The following TAFA1 variants were observed in gnomAD, a reference collection of about 807,000 sequenced individuals.
TAFA1 encodes TAFA chemokine like family member 1.
Under a neutral mutation model 18.5 loss-of-function variants are expected in TAFA1, and 4 were observed. That is an observed-to-expected ratio of 0.22 (90% CI 0.11 to 0.49). The LOEUF (loss-of-function observed/expected upper bound fraction) is 0.49, where lower values mean the gene tolerates loss of function less well. Ranked by LOEUF, TAFA1 falls within the 20% of genes least tolerant of loss-of-function variation. The pLI is 0.98. For missense variants in TAFA1, 147 were observed against 169.0 expected, an observed-to-expected ratio of 0.87 and a Z score of 0.72; for synonymous variants, 56 against 55.2, an observed-to-expected ratio of 1.01 and a Z score of -0.06.
intron 3 of TAFA1, among the ~76,000 whole-genome samples, chr3:68,436,002 A>T (rs1227907854): frequency 6.6e-6 from 1 of 152,134 alleles, no homozygotes; most frequent in Non-Finnish European, 1.5e-5. Context: ...AGACATTTGC[A>T]TTTTTTAAAA....
intron 2 of TAFA1, among the ~76,000 whole-genome samples, chr3:68,397,670 T>A (rs2070410237): frequency 6.6e-6 from 1 of 152,204 alleles, no homozygotes; most frequent in Non-Finnish European, 1.5e-5. Context: ...ATCCTTTGAG[T>A]GTATACCCAG....
At position 68,064,556 on chromosome 3, in the gene TAFA1, A is replaced by T. The variant is rs1030446332; in HGVS notation, c.118+57812A>T. ...GTGCTCTTAAACTTAGAAATGCTTAACATAAATTATGACCTAATTAACATT... is the reference window on the plus strand; with the variant it reads ...GTGCTCTTAAACTTAGAAATGCTTATCATAAATTATGACCTAATTAACATT... On this transcript the variant is annotated intron_variant, in intron 2 of 4. Transcript: ENST00000478136. Among the ~76,000 whole-genome samples the T allele has an allele frequency of 5.9e-5, 9 of 152,208 alleles. 1 individual carries two copies. Among genetic ancestry groups the T allele is most frequent in the South Asian group, 4.1e-4 (2 of 4,836 alleles).
chr3:68,053,500 C>G (rs2064497474), intron 2 of TAFA1, among the ~76,000 whole-genome samples: 1 of 152,016 alleles, frequency 6.6e-6, no homozygotes, highest in African/African-American at 2.4e-5. Flanking sequence ...TACATTTCTC[C>G]TCCAAAACCT....
At chr3:68,088,921 C>A (rs1006868629) in intron 2 of TAFA1, among the ~76,000 whole-genome samples, 7 of 152,088 alleles carry the variant, frequency 4.6e-5, no homozygotes. Context: ...GCTGATCGGA[C>A]ATGCTGGTAA....
intron 3 of TAFA1, among the ~76,000 whole-genome samples, chr3:68,444,797 TATATATATATATATAA>T (rs1017181688): frequency 2.8e-5 from 3 of 108,426 alleles, no homozygotes; most frequent in Non-Finnish European, 5.9e-5. Flanking sequence ...TATATATATA[TATATATATATATATAA>T]AATAAATTAA....
At chr3:68,249,203 A>C (rs7638791) in intron 2 of TAFA1, among the ~76,000 whole-genome samples, 29,221 of 152,110 alleles carry the variant, frequency 0.19, 3,317 homozygotes, top group Admixed American at 0.32. Flanking sequence ...AATCCAGGGA[A>C]TAATCAGATG....
intron 3 of TAFA1, among the ~76,000 whole-genome samples, chr3:68,430,390 A>G (rs148778685): frequency 2.0e-4 from 30 of 152,142 alleles, no homozygotes; most frequent in African/African-American, 7.0e-4. Flanking sequence ...CAGAAGGCTG[A>G]AAAGTTAGAT....
intron 2 of TAFA1, among the ~76,000 whole-genome samples, chr3:68,092,760 A>G (rs1274402561): frequency 1.3e-5 from 2 of 152,144 alleles, no homozygotes; most frequent in Non-Finnish European, 2.9e-5. Context: ...CAGAATAGCA[A>G]TCGCACTCCC....
intron 2 of TAFA1, among the ~76,000 whole-genome samples, chr3:68,357,675 C>T (rs1212331738): frequency 1.3e-5 from 2 of 151,836 alleles, no homozygotes; most frequent in South Asian, 2.1e-4. Flanking sequence ...GAAAATGGCT[C>T]TTGTCAACTA....
chr3:68,380,628 C>A (rs556504618), intron 2 of TAFA1, among the ~76,000 whole-genome samples: 66 of 151,980 alleles, frequency 4.3e-4, no homozygotes, highest in Middle Eastern at 3.4e-3. Flanking sequence ...TTGTTTTTTT[C>A]TTGTAAATTT....
chr3:68,305,252 G>C (rs1388509), intron 2 of TAFA1, among the ~76,000 whole-genome samples: 19,029 of 148,986 alleles, frequency 0.13, 1,812 homozygotes, highest in East Asian at 0.45. Context: ...ATGTTTTCTT[G>C]TTACATAGCC....
intron 2 of TAFA1, among the ~76,000 whole-genome samples, chr3:68,348,590 A>G (rs1404239368): frequency 6.6e-6 from 1 of 152,144 alleles, no homozygotes; most frequent in African/African-American, 2.4e-5. Flanking sequence ...TTTAAGCTGT[A>G]AGATCCAATT....
chr3:67,994,493 T>A, the TAFA1 span, among the ~76,000 whole-genome samples: 1 of 152,212 alleles, frequency 6.6e-6, no homozygotes, highest in Admixed American at 6.5e-5. Flanking sequence ...TTAGAATGCT[T>A]TTGATTCCAA....
At chr3:68,111,780 A>AAG (rs71112608) in intron 2 of TAFA1, among the ~76,000 whole-genome samples, 20 of 146,030 alleles carry the variant, frequency 1.4e-4, no homozygotes, top group East Asian at 6.0e-4. Flanking sequence ...ACACATGAGA[A>AAG]AGAGAGAGAG....
rs943973176 is a variant in TAFA1, at chr3:68,228,325, C to T, written c.119-188955C>T. ...GTGGCTTTTACAGGCACGATTAAAG[C>T]CCATTGCAGCCTTGAATTCCCGCTC... On this transcript the variant is annotated intron_variant, in intron 2 of 4. Transcript: ENST00000478136. 3.9e-5 allele frequency among the ~76,000 whole-genome samples: 6 copies of T among 152,088 alleles called. No individual in the cohort carries two copies. In the East Asian group the frequency reaches 7.7e-4, roughly 20 times the overall value.
chr3:68,207,009 A>T (rs1397521855), intron 2 of TAFA1, among the ~76,000 whole-genome samples: 1 of 151,976 alleles, frequency 6.6e-6, no homozygotes, highest in Non-Finnish European at 1.5e-5. Flanking sequence ...GTAATTCAAC[A>T]TCAAAAAGTT....
At chr3:68,302,166 C>T (rs2068314083) in intron 2 of TAFA1, among the ~76,000 whole-genome samples, 1 of 152,038 alleles carries the variant, frequency 6.6e-6, no homozygotes, top group Admixed American at 6.6e-5. Flanking sequence ...TTTGAAAGGC[C>T]AAAGTAATAA....
chr3:68,372,178 C>G (rs931033242), intron 2 of TAFA1, among the ~76,000 whole-genome samples: 1 of 152,074 alleles, frequency 6.6e-6, no homozygotes, highest in Non-Finnish European at 1.5e-5. Flanking sequence ...AATAAGTGAA[C>G]AAAGAATCAT....
intron 2 of TAFA1, among the ~76,000 whole-genome samples, chr3:68,283,680 C>T (rs1001454734): frequency 5.3e-5 from 8 of 152,126 alleles, no homozygotes; most frequent in African/African-American, 1.9e-4. Flanking sequence ...TTAGCATATG[C>T]CTGGCATATT....
Sources: allele counts gnomAD v4.1 joint callset (sites outside exome capture counted in the v4.1 genomes callset), GRCh38; gene constraint gnomAD v4.1.1; transcripts MANE v1.5; gene names NCBI Gene and HGNC (gene_info 2026-07-23, HGNC 2026-07-21).